Variants in BRIP1 observed in about 807,000 individuals in gnomAD.
The protein encoded by BRIP1 is BRCA1 interacting DNA helicase 1, also known as Fanconi anemia group J protein.
BRIP1 carries 88 observed loss-of-function variants against 119.7 expected under a neutral mutation model. That is an observed-to-expected ratio of 0.74 (90% CI 0.62 to 0.88). The LOEUF (loss-of-function observed/expected upper bound fraction) is 0.88, where lower values mean the gene tolerates loss of function less well. BRIP1 is among the 40% of genes least tolerant of loss of function. The pLI, the probability that BRIP1 is intolerant of heterozygous loss-of-function variation, is 0.00. For synonymous variants in BRIP1, 443 were observed against 496.5 expected (o/e 0.89, Z 1.43); for missense variants, 1,259 against 1,455.4 (o/e 0.87, Z 2.20).
At chr17:61,830,837 A>AT in intron 6 of BRIP1, among the ~76,000 whole-genome samples, 1 of 152,324 alleles carries the variant, frequency 6.6e-6, no homozygotes, top group East Asian at 1.9e-4. Flanking sequence ...ACTATAGACC[A>AT]ATATTCTTAT....
rs35235448 is a variant in BRIP1, at chr17:61,680,181, TA to T, written c.*3114del. On this transcript the variant is annotated 3_prime_UTR_variant, in exon 20 of 20. Transcript: ENST00000259008. ...AACATGGTGAAACCCTGTCGATACTTAAAAAAAAAAAAAAAAAAAAATTAGC... is the reference window on the plus strand; with the variant it reads ...AACATGGTGAAACCCTGTCGATACTTAAAAAAAAAAAAAAAAAAAATTAGC... 0.39 allele frequency among the ~76,000 whole-genome samples: 49,285 copies of T among 127,912 alleles called. 9,122 individuals are homozygous for T. Among genetic ancestry groups the T allele is most frequent in the East Asian group, 0.49 (2,138 of 4,400 alleles). The allele number at this position is 127,912 out of a possible 152,430, so 83.9% of individuals were successfully genotyped here. A position where few individuals can be genotyped will look rare whatever the true frequency, so the allele number is the denominator to read the frequency against.
rs1204806464 is a variant in BRIP1 at position 61,776,656 on chromosome 17, C to G, written c.1936-94G>C. 1 of 1,299,758 alleles carries G rather than the reference C, an allele frequency of 7.7e-7. No individual in the cohort carries two copies. Among genetic ancestry groups the G allele is most frequent in the Admixed American group, 1.7e-5 (1 of 57,350 alleles). 80.5% of individuals were successfully genotyped at this position (1,299,758 alleles called of 1,614,324 possible). ...AGTATGTACATAAAAGATCAAGCAA[C>G]AAGTTTAACAATTTATTTTTAAATT... On this transcript the variant is annotated intron_variant, in intron 13 of 19. Transcript: ENST00000259008. The surrounding 1 kb of genome is among the most constrained non-coding windows in gnomAD (Gnocchi z 5.0).
intron 16 of BRIP1, among the ~76,000 whole-genome samples, chr17:61,721,667 G>T (rs2061978089): frequency 6.8e-6 from 1 of 147,942 alleles, no homozygotes; most frequent in Non-Finnish European, 1.5e-5. Context: ...GAATATAAAG[G>T]ACATATAAAG....
chr17:61,817,780 T>A (rs1310281999), intron 6 of BRIP1, among the ~76,000 whole-genome samples: 2 of 152,150 alleles, frequency 1.3e-5, no homozygotes, highest in Non-Finnish European at 1.5e-5. Flanking sequence ...TGCAGGTGCA[T>A]TGTATGTGTG....
At chr17:61,733,407 T>C (rs1025883360) in intron 16 of BRIP1, among the ~76,000 whole-genome samples, 3 of 152,176 alleles carry the variant, frequency 2.0e-5, no homozygotes, top group African/African-American at 7.2e-5. Context: ...ATTTTGACAG[T>C]TGAAAGCACT....
rs1157900338 is a variant in BRIP1 at position 61,793,251 on chromosome 17, T to G, written c.1473+346A>C. Among the ~76,000 whole-genome samples, 1 of 152,072 alleles carries G rather than the reference T, an allele frequency of 6.6e-6. No homozygotes were observed. The highest frequency in any genetic ancestry group is 1.5e-5 in the Non-Finnish European group (1 of 67,986). ...CAGGTTTATAATTTCTAAATTAAGATGAACAAAATAGGAATTTCTCCTCTT... is the reference window on the plus strand; with the variant it reads ...CAGGTTTATAATTTCTAAATTAAGAGGAACAAAATAGGAATTTCTCCTCTT... On this transcript the variant is annotated intron_variant, in intron 10 of 19. Coordinates refer to ENST00000259008, the MANE Select transcript of BRIP1 (RefSeq NM_032043.3). The surrounding 1 kb of genome is among the most constrained non-coding windows in gnomAD (Gnocchi z 5.2).
intron 5 of BRIP1, among the ~76,000 whole-genome samples, chr17:61,847,894 T>C (rs1357980108): frequency 6.6e-6 from 1 of 152,222 alleles, no homozygotes; most frequent in Non-Finnish European, 1.5e-5. Flanking sequence ...AGGGAATAAA[T>C]GTTTTATGTT....
rs370581038 is a variant in BRIP1, at chr17:61,683,365, A to G, written c.3681T>C (p.His1227=). 10 of 1,611,878 alleles carry G rather than the reference A, an allele frequency of 6.2e-6. No individual in the cohort carries two copies. The highest frequency in any genetic ancestry group is 7.6e-6 in the Non-Finnish European group (9 of 1,178,884). ...GTTTAAAGTTCTTTATTTCTATTTC[A>G]TGAGTTTTTCCCAGTTCCAGTTCAT... ...WINELELGKT[H]EIEIKNFKPS... Residue 1227 remains histidine (H), a synonymous_variant, in exon 20 of 20, where the codon CAT becomes CAC. Coordinates refer to ENST00000259008, the MANE Select transcript of BRIP1 (RefSeq NM_032043.3). This position sits in a 1 kb window ranked among gnomAD's most constrained non-coding sequence, Gnocchi z 4.7.
Position 61,754,005 on chromosome 17 carries a change from T to C in BRIP1, c.2098-9414A>G, listed in dbSNP as rs148192259. On this transcript the variant is annotated intron_variant, in intron 14 of 19. Coordinates refer to ENST00000259008, the MANE Select transcript of BRIP1 (RefSeq NM_032043.3). This position sits in a 1 kb window ranked among gnomAD's most constrained non-coding sequence, Gnocchi z 4.1. The stretch of plus-strand genomic sequence containing the variant: ...GACTCTAAACATTTCTCACTATCTT[T>C]ACTGCTACCACAGTGGTCCAAGCCA... Among the ~76,000 whole-genome samples, 1 of 152,330 alleles carries C rather than the reference T, an allele frequency of 6.6e-6. No individual in the cohort carries two copies. The highest frequency in any genetic ancestry group is 1.9e-4 in the East Asian group (1 of 5,186).
rs2077861466 is a variant in BRIP1, at chr17:61,793,957, TG to T, written c.1341-229del. 2.0e-5 allele frequency among the ~76,000 whole-genome samples: 3 copies of T among 152,284 alleles called. No homozygotes were observed. In the South Asian group the frequency reaches 6.2e-4, roughly 32 times the overall value. On this transcript the variant is annotated intron_variant, in intron 9 of 19. Transcript: ENST00000259008. This position sits in a 1 kb window ranked among gnomAD's most constrained non-coding sequence, Gnocchi z 5.2. ...AGCTTTTATTCAGAAGAAACAAACA[TG>T]CATATGATTTCCCACTTGTTTTGTG...
At chr17:61,715,745 T>C (rs2061849615) in intron 17 of BRIP1, among the ~76,000 whole-genome samples, 1 of 152,214 alleles carries the variant, frequency 6.6e-6, no homozygotes, top group Admixed American at 6.5e-5. Context: ...CTTTAGCAAA[T>C]TGTGAGTTTT....
In BRIP1 at chr17:61,689,914, G is replaced by A. The variant is rs1268000526; in HGVS notation, c.2575+3516C>T. Among the ~76,000 whole-genome samples, 1 of 152,144 alleles carries A rather than the reference G, an allele frequency of 6.6e-6. No individual in the cohort carries two copies. Among genetic ancestry groups the A allele is most frequent in the East Asian group, 1.9e-4 (1 of 5,192 alleles). Reference sequence around the variant, plus strand: ...GTAGTCCCAGCTGAGGCTGAGGTGGGAGGATCACTTGAGCCTGGGAGGCTG... The same window carrying A: ...GTAGTCCCAGCTGAGGCTGAGGTGGAAGGATCACTTGAGCCTGGGAGGCTG... On this transcript the variant is annotated intron_variant, in intron 18 of 19. Coordinates refer to ENST00000259008, the MANE Select transcript of BRIP1 (RefSeq NM_032043.3). The surrounding 1 kb of genome is among the most constrained non-coding windows in gnomAD (Gnocchi z 4.5).
rs2077089370 is a variant in BRIP1, at chr17:61,748,578, C to G, written c.2098-3987G>C. On this transcript the variant is annotated intron_variant, in intron 14 of 19. Transcript: ENST00000259008. This position sits in a 1 kb window ranked among gnomAD's most constrained non-coding sequence, Gnocchi z 4.7. ...TTCATGACACTTACATCTTACAAACCCACCATAATCAAAATAGTAATTGCA... is the reference window on the plus strand; with the variant it reads ...TTCATGACACTTACATCTTACAAACGCACCATAATCAAAATAGTAATTGCA... Among the ~76,000 whole-genome samples, 1 of 152,072 alleles carries G rather than the reference C, an allele frequency of 6.6e-6. No homozygotes were observed. Among genetic ancestry groups the G allele is most frequent in the African/African-American group, 2.4e-5 (1 of 41,414 alleles).
rs755767691 is a variant in BRIP1 at position 61,781,011 on chromosome 17, T to C, written c.1629-6A>G. On this transcript the variant is annotated splice_polypyrimidine_tract_variant and splice_region_variant and intron_variant, in intron 11 of 19. Coordinates refer to ENST00000259008, the MANE Select transcript of BRIP1 (RefSeq NM_032043.3). ...TTTTATAATCATCTGCAAATCTAGATGCAAAGAAAGTGCTAATTAAGTGGC... is the reference window on the plus strand; with the variant it reads ...TTTTATAATCATCTGCAAATCTAGACGCAAAGAAAGTGCTAATTAAGTGGC... The C allele has an allele frequency of 5.0e-6, 8 of 1,613,622 alleles. No homozygotes were observed. The highest frequency in any genetic ancestry group is 5.9e-6 in the Non-Finnish European group (7 of 1,179,976).
chr17:61,711,196 A>G (rs2061768657), intron 17 of BRIP1, among the ~76,000 whole-genome samples: 1 of 152,178 alleles, frequency 6.6e-6, no homozygotes, highest in African/African-American at 2.4e-5. Flanking sequence ...CGAGAAAACC[A>G]CATACAAATA....
At position 61,701,800 on chromosome 17, in the gene BRIP1, T is replaced by A. The variant is rs2061618507; in HGVS notation, c.2493-8288A>T. The stretch of plus-strand genomic sequence containing the variant: ...CTGGCTGGGTGAGCTCTGAGTCAGG[T>A]CAAATAAAGATAGCCTTGTGAGTGG... On this transcript the variant is annotated intron_variant, in intron 17 of 19. Coordinates refer to ENST00000259008, the MANE Select transcript of BRIP1 (RefSeq NM_032043.3). The surrounding 1 kb of genome is among the most constrained non-coding windows in gnomAD (Gnocchi z 5.1). 6.6e-6 allele frequency among the ~76,000 whole-genome samples: 1 copy of A among 152,106 alleles called. No individual in the cohort carries two copies. Among genetic ancestry groups the A allele is most frequent in the African/African-American group, 2.4e-5 (1 of 41,412 alleles).
rs1218127119 is a variant in BRIP1 at position 61,799,782 on chromosome 17, T to A, written c.1141-483A>T. On this transcript the variant is annotated intron_variant, in intron 8 of 19. Transcript: ENST00000259008. This position sits in a 1 kb window ranked among gnomAD's most constrained non-coding sequence, Gnocchi z 5.1. ...TACAAGATTAAAATGACTCTTAAAA[T>A]ACTAACATAATATATATGTTTTGTT... is the stretch of plus-strand genomic sequence containing the variant. 1.3e-5 allele frequency among the ~76,000 whole-genome samples: 2 copies of A among 152,128 alleles called. No individual in the cohort carries two copies. Among genetic ancestry groups the A allele is most frequent in the African/African-American group, 4.8e-5 (2 of 41,432 alleles).
At chr17:61,714,121 G>A (rs1483788822) in intron 17 of BRIP1, among the ~76,000 whole-genome samples, 1 of 152,030 alleles carries the variant, frequency 6.6e-6, no homozygotes. Flanking sequence ...GACCAGCCTG[G>A]GCAACATAGC....
At chr17:61,787,489 T>C (rs1347280152) in intron 10 of BRIP1, among the ~76,000 whole-genome samples, 1 of 143,860 alleles carries the variant, frequency 7.0e-6, no homozygotes, top group Non-Finnish European at 1.5e-5. Flanking sequence ...AGAACTCACT[T>C]TAAAAAGGTA....
Sources: allele counts gnomAD v4.1 joint callset (sites outside exome capture counted in the v4.1 genomes callset), GRCh38; gene constraint gnomAD v4.1.1; non-coding constraint Gnocchi (gnomAD v3.1); transcripts MANE v1.5; gene names NCBI Gene and HGNC (gene_info 2026-07-23, HGNC 2026-07-21).